DMD: variants seen among roughly 807,000 people sequenced by gnomAD.
The protein encoded by DMD is dystrophin.
Under a neutral mutation model 330.1 loss-of-function variants are expected in DMD, and 63 were observed. The observed-to-expected ratio is 0.19, with a 90% CI of 0.16 to 0.24. DMD has a LOEUF of 0.24. DMD is among the 10% of genes least tolerant of loss of function. The pLI is 1.00. For synonymous variants in DMD, 1,223 were observed against 959.8 expected (o/e 1.27, Z -5.07); for missense variants, 3,344 against 2,684.1 (o/e 1.25, Z -5.43).
chrX:31,188,496 C>T (rs1602512494), intron 67 of DMD, among the ~76,000 whole-genome samples: 1 of 112,144 alleles, frequency 8.9e-6, no homozygotes, highest in South Asian at 3.7e-4. Flanking sequence ...ATAATCCCCT[C>T]TCAGTATCAA....
chrX:32,757,817 GGTTT>G lies in DMD; in HGVS notation c.649+51672_649+51675del, dbSNP rs777132926. ...ACAGACTAATACAGATTCCTTTATA[GGTTT>G]ATTTTGAACAGTAGATGCCTCTTTG... is the stretch of plus-strand genomic sequence containing the variant. On this transcript the variant is annotated intron_variant, in intron 7 of 78. Coordinates refer to ENST00000357033, the MANE Select transcript of DMD (RefSeq NM_004006.3). Among the ~76,000 whole-genome samples the G allele has an allele frequency of 1.3e-3, 144 of 111,600 alleles. 1 individual carries two copies. The highest frequency in any genetic ancestry group is 4.5e-3 in the African/African-American group (137 of 30,711).
intron 54 of DMD, among the ~76,000 whole-genome samples, chrX:31,635,029 T>C (rs185316118): frequency 4.5e-5 from 5 of 111,632 alleles, no homozygotes; most frequent in African/African-American, 1.3e-4. Context: ...TTTGGAGAGG[T>C]TGAAATATAA....
chrX:32,852,370 C>G (rs777814402), intron 2 of DMD, among the ~76,000 whole-genome samples: 3 of 111,614 alleles, frequency 2.7e-5, no homozygotes, highest in African/African-American at 9.8e-5. Flanking sequence ...GTCCCTGGGT[C>G]CTGAATAAGC....
chrX:32,835,945 T>G (rs1057079244), intron 4 of DMD, among the ~76,000 whole-genome samples: 3 of 111,195 alleles, frequency 2.7e-5, no homozygotes, highest in Admixed American at 9.6e-5. Flanking sequence ...TTTCATAGGT[T>G]TATAGAATTA....
chrX:32,626,628 C>T (rs748708045), intron 11 of DMD, among the ~76,000 whole-genome samples: 1 of 103,812 alleles, frequency 9.6e-6, no homozygotes, highest in Non-Finnish European at 1.9e-5. Context: ...TTAAAATCAA[C>T]TTTGTTTCAG....
chrX:31,865,293 T>C (rs16989891), intron 48 of DMD, among the ~76,000 whole-genome samples: 11,915 of 111,495 alleles, frequency 0.11, 497 homozygotes, highest in Non-Finnish European at 0.12. Flanking sequence ...AAATCTGTGT[T>C]CAGTTGCATG....
At chrX:31,831,183 C>G (rs73464023) in intron 49 of DMD, among the ~76,000 whole-genome samples, 14,064 of 111,572 alleles carry the variant, frequency 0.13, 651 homozygotes, top group East Asian at 0.19. Flanking sequence ...TGCTTGTAAT[C>G]TTGGCCAGAG....
intron 47 of DMD, among the ~76,000 whole-genome samples, chrX:31,903,601 A>G (rs2094447072): frequency 8.9e-6 from 1 of 112,349 alleles, no homozygotes; most frequent in African/African-American, 3.2e-5. Context: ...ATTTTAAGAA[A>G]TACATATGAA....
At chrX:32,846,102 C>T (rs901938692) in intron 3 of DMD, among the ~76,000 whole-genome samples, 1 of 111,777 alleles carries the variant, frequency 8.9e-6, no homozygotes, top group Non-Finnish European at 1.9e-5. Context: ...GTGCTTGTCA[C>T]ATAGTTGGTC....
intron 37 of DMD, among the ~76,000 whole-genome samples, chrX:32,351,722 T>C (rs993252827): frequency 2.9e-4 from 32 of 110,528 alleles, no homozygotes; most frequent in African/African-American, 1.0e-3. Context: ...TTTAGTGACA[T>C]GGAATTTTAA....
rs764012481 is a variant in DMD at position 31,412,186 on chromosome X, C to CAA, written c.9084+32293_9084+32294dup. 8.9e-4 allele frequency among the ~76,000 whole-genome samples: 39 copies of CAA among 43,583 alleles called. 1 individual carries two copies. Among genetic ancestry groups the CAA allele is most frequent in the South Asian group, 1.6e-3 (1 of 613 alleles). The allele number at this position is 43,583 out of a possible 115,157, so 37.8% of individuals were successfully genotyped here. A position where few individuals can be genotyped will look rare whatever the true frequency, so the allele number is the denominator to read the frequency against. On this transcript the variant is annotated intron_variant, in intron 60 of 78. Coordinates refer to ENST00000357033, the MANE Select transcript of DMD (RefSeq NM_004006.3). ...GGGTGACAGAGCGAGACTCTTGTCTCAAAAAAAAAAAAAAAAAAAAAGAGA... is the reference window on the plus strand; with the variant it reads ...GGGTGACAGAGCGAGACTCTTGTCTCAAAAAAAAAAAAAAAAAAAAAAAGAGA...
At chrX:33,131,606 A>C (rs987683214) in intron 1 of DMD, among the ~76,000 whole-genome samples, 2 of 111,987 alleles carry the variant, frequency 1.8e-5, no homozygotes, top group African/African-American at 6.5e-5. Context: ...AATCAGACCA[A>C]GCCCTGCAGA....
At chrX:32,610,797 G>T (rs1312434219) in intron 12 of DMD, among the ~76,000 whole-genome samples, 1 of 110,903 alleles carries the variant, frequency 9.0e-6, no homozygotes, top group Non-Finnish European at 1.9e-5. Context: ...GATGGGAGTT[G>T]CTTTTGTGGG....
chrX:31,684,573 C>G (rs191983712), intron 52 of DMD, among the ~76,000 whole-genome samples: 2 of 111,867 alleles, frequency 1.8e-5, no homozygotes, highest in East Asian at 5.6e-4. Flanking sequence ...TCAATCAGAA[C>G]CAATGAAACA....
chrX:32,982,423 C>CA (rs894590731), intron 2 of DMD, among the ~76,000 whole-genome samples: 1 of 111,042 alleles, frequency 9.0e-6, no homozygotes, highest in Non-Finnish European at 1.9e-5. Flanking sequence ...TATGTAACAG[C>CA]AAAAAAACTA....
chrX:33,265,584 C>G (rs2053029178), intron 1 of DMD, among the ~76,000 whole-genome samples: 1 of 111,462 alleles, frequency 9.0e-6, no homozygotes, highest in Admixed American at 9.6e-5. Context: ...CATCAACAAA[C>G]TATATTAAAT....
chrX:32,885,896 TCTCCAAATCTAGA>T lies in DMD; in HGVS notation c.94-36089_94-36077del, dbSNP rs992076106. 2.9e-4 allele frequency among the ~76,000 whole-genome samples: 31 copies of T among 107,214 alleles called. No homozygotes were observed. In the East Asian group the frequency reaches 8.9e-3, roughly 31 times the overall value. The allele number at this position is 107,214 out of a possible 115,157, so 93.1% of individuals were successfully genotyped here. A position where few individuals can be genotyped will look rare whatever the true frequency, so the allele number is the denominator to read the frequency against. ...CACACAGTTTTACTCACCCCTTGTC[TCTCCAAATCTAGA>T]CTCCAAATATATATTAGTCACAATA... is the stretch of plus-strand genomic sequence containing the variant. On this transcript the variant is annotated intron_variant, in intron 2 of 78. Coordinates refer to ENST00000357033, the MANE Select transcript of DMD (RefSeq NM_004006.3).
intron 1 of DMD, among the ~76,000 whole-genome samples, chrX:33,180,306 A>G (rs1467843056): frequency 8.9e-6 from 1 of 111,797 alleles, no homozygotes; most frequent in East Asian, 2.8e-4. Context: ...CATTCTAAAT[A>G]TTTATTTTAC....
intron 45 of DMD, among the ~76,000 whole-genome samples, chrX:31,958,960 C>A (rs1014373833): frequency 8.1e-5 from 9 of 111,492 alleles, no homozygotes; most frequent in Admixed American, 2.9e-4. Context: ...CCTATCCTGA[C>A]TAACAGCCTT....
Sources: gnomAD v4.1 joint callset for allele counts (sites outside exome capture counted in the v4.1 genomes callset) on GRCh38, gnomAD v4.1.1 for gene constraint, MANE v1.5 for transcripts, NCBI Gene and HGNC (gene_info 2026-07-23, HGNC 2026-07-21) for gene names.